Variants in RAI1 observed in about 807,000 individuals in gnomAD.
RAI1 encodes retinoic acid-induced protein 1.
A neutral mutation model predicts 123.8 loss-of-function variants in RAI1; 9 were observed. The ratio of observed to expected loss-of-function variants is 0.07; its 90% CI spans 0.04 to 0.13. The LOEUF (loss-of-function observed/expected upper bound fraction) is 0.13. Among genes scored for constraint, RAI1 ranks in the 10% least tolerant of loss-of-function variants. The probability of loss-of-function intolerance (pLI) is 1.00; values close to 1 mark genes in which losing one functional copy is unlikely to be tolerated. For synonymous variants in RAI1, 1,231 were observed against 1,127.3 expected (o/e 1.09, Z -1.84); for missense variants, 2,256 against 2,545.8 (o/e 0.89, Z 2.45).
At position 17,737,242 on chromosome 17, in the gene RAI1, G is replaced by T. The variant is rs564307683; in HGVS notation, c.-17+13083G>T. On this transcript the variant is annotated intron_variant, in intron 2 of 5. Transcript: ENST00000353383. ...CTGAAGATGAGGGGGTCATAGCTCA[G>T]CCTGGCTGTTTCAAGGCCACTTGAG... 1.5e-3 allele frequency among the ~76,000 whole-genome samples: 234 copies of T among 152,324 alleles called. 1 individual carries two copies. The South Asian group carries it at 0.016, about 10-fold the overall frequency.
chr17:17,782,807 A>T (rs1423293650), intron 2 of RAI1, among the ~76,000 whole-genome samples: 1 of 152,074 alleles, frequency 6.6e-6, no homozygotes, highest in Non-Finnish European at 1.5e-5. Context: ...GAGGCTGCTC[A>T]GGGCGCCAAG....
rs1287780548 is a variant in RAI1, at chr17:17,799,081, G to A, written c.5565+568G>A. ...ACACAGTCACAACAGGCAGGGCGGG[G>A]CAGATCCAGACCCTCTCACCATTGG... On this transcript the variant is annotated intron_variant, in intron 3 of 5. Coordinates refer to ENST00000353383, the MANE Select transcript of RAI1 (RefSeq NM_030665.4). This position sits in a 1 kb window ranked among gnomAD's most constrained non-coding sequence, Gnocchi z 4.5. Among the ~76,000 whole-genome samples the A allele has an allele frequency of 6.6e-6, 1 of 152,162 alleles. No homozygotes were observed. The highest frequency in any genetic ancestry group is 1.5e-5 in the Non-Finnish European group (1 of 68,014).
At chr17:17,684,055 T>C (rs1914537722) in intron 1 of RAI1, 1 of 152,102 alleles carries the variant, frequency 6.6e-6, no homozygotes, top group South Asian at 2.1e-4. Flanking sequence ...AAATTTTTTT[T>C]TTTTTCTAGA....
intron 2 of RAI1, among the ~76,000 whole-genome samples, chr17:17,785,699 C>T (rs2031803097): frequency 6.6e-6 from 1 of 152,192 alleles, no homozygotes; most frequent in South Asian, 2.1e-4. Context: ...GCTGAGTGCA[C>T]CTCCTGCACG....
chr17:17,797,959 C>T lies in RAI1; in HGVS notation c.5011C>T (p.His1671Tyr). Residue 1671 changes from histidine (H) to tyrosine (Y), a missense_variant, in exon 3 of 6, where the codon CAC becomes TAC. Physicochemically the swap from His to Tyr is moderately conservative, Grantham distance 83. Around this residue, in one of 7 missense-constraint regions of RAI1, gnomAD observed 410 missense variants for 374.6 expected, o/e 1.09. Transcript: ENST00000353383. The part of the protein sequence containing the change: ...RPSLPLSSTM[H>Y]LGPVVSKALS... ...CTCCTTGCCCCTCTCCTCCACGATG[C>T]ACTTGGGGCCTGTGGTTTCCAAGGC... 1.2e-6 allele frequency: 2 copies of T among 1,614,118 alleles called. No individual in the cohort carries two copies. The highest frequency in any genetic ancestry group is 1.7e-6 in the Non-Finnish European group (2 of 1,180,034).
At chr17:17,707,619 G>T (rs1448524884) in intron 1 of RAI1, among the ~76,000 whole-genome samples, 13 of 152,216 alleles carry the variant, frequency 8.5e-5, no homozygotes, top group Non-Finnish European at 5.9e-5. Flanking sequence ...TTGAGACAGG[G>T]TCTCACTCTG....
chr17:17,809,888 C>T lies in RAI1; in HGVS notation c.5710-82C>T. The T allele has an allele frequency of 2.0e-6, 3 of 1,532,748 alleles. No homozygotes were observed. The highest frequency in any genetic ancestry group is 1.2e-5 in the South Asian group (1 of 83,558). 94.9% of individuals were successfully genotyped at this position (1,532,748 alleles called of 1,614,324 possible). A position where few individuals can be genotyped will look rare whatever the true frequency, so the allele number is the denominator to read the frequency against. ...GGGTCGCCTGGGTCTGGGGCTTAGGCGGGGGGCCCACACTGGGGGCGGGGC... is the reference window on the plus strand; with the variant it reads ...GGGTCGCCTGGGTCTGGGGCTTAGGTGGGGGGCCCACACTGGGGGCGGGGC... On this transcript the variant is annotated intron_variant, in intron 5 of 5. Transcript: ENST00000353383. The surrounding 1 kb of genome is among the most constrained non-coding windows in gnomAD (Gnocchi z 4.9).
chr17:17,810,106 CT>C lies in RAI1; in HGVS notation c.*127del. The C allele has an allele frequency of 7.6e-7, 1 of 1,321,634 alleles. No individual in the cohort carries two copies. The highest frequency in any genetic ancestry group is 1.0e-6 in the Non-Finnish European group (1 of 986,694). The allele number at this position is 1,321,634 out of a possible 1,614,324, so 81.9% of individuals were successfully genotyped here. A position where few individuals can be genotyped will look rare whatever the true frequency, so the allele number is the denominator to read the frequency against. Reference sequence around the variant, plus strand: ...TCCCAGCGCTGGTCCAGAGCCGATCCTTGATCCGGGTCCCGGATCGTGGATC... The same window carrying C: ...TCCCAGCGCTGGTCCAGAGCCGATCCTGATCCGGGTCCCGGATCGTGGATC... On this transcript the variant is annotated 3_prime_UTR_variant, in exon 6 of 6. Transcript: ENST00000353383. This position sits in a 1 kb window ranked among gnomAD's most constrained non-coding sequence, Gnocchi z 4.6.
chr17:17,744,795 A>G (rs1443755937), intron 2 of RAI1, among the ~76,000 whole-genome samples: 1 of 151,110 alleles, frequency 6.6e-6, no homozygotes, highest in Non-Finnish European at 1.5e-5. Context: ...GTCTCAAAAA[A>G]AAAAAAAAAA....
intron 2 of RAI1, among the ~76,000 whole-genome samples, chr17:17,758,204 T>G (rs1379724034): frequency 6.6e-6 from 1 of 151,868 alleles, no homozygotes; most frequent in Non-Finnish European, 1.5e-5. Flanking sequence ...TCCCAGCAGC[T>G]CCGGGCAGGA....
chr17:17,688,066 G>A (rs1442225609), intron 1 of RAI1, among the ~76,000 whole-genome samples: 1 of 143,936 alleles, frequency 6.9e-6, no homozygotes, highest in Non-Finnish European at 1.5e-5. Context: ...GCTGTGTTTT[G>A]TCATCTGGAA....
rs776386424 is a variant in RAI1 at position 17,793,154 on chromosome 17, C to G, written c.206C>G (p.Thr69Ser). 2.5e-6 allele frequency: 4 copies of G among 1,613,422 alleles called. No individual in the cohort carries two copies. Among genetic ancestry groups the G allele is most frequent in the Non-Finnish European group, 2.5e-6 (3 of 1,179,938 alleles). Reference sequence around the variant, plus strand: ...GGTGGCGCTGGCACGCCCTCTGGCACTGCAGCCGCGGTGGCCGCCGACAAG... The same window carrying G: ...GGTGGCGCTGGCACGCCCTCTGGCAGTGCAGCCGCGGTGGCCGCCGACAAG... ...YEGGAGTPSG[T>S]AAAVAADKYH... The change falls in exon 3 of 6, where the codon ACT (threonine) becomes AGT (serine). Residue 69 changes from threonine (T) to serine (S), a missense_variant. Coordinates refer to ENST00000353383, the MANE Select transcript of RAI1 (RefSeq NM_030665.4).
chr17:17,781,844 C>A (rs1426018902), intron 2 of RAI1, among the ~76,000 whole-genome samples: 1 of 151,896 alleles, frequency 6.6e-6, no homozygotes, highest in Non-Finnish European at 1.5e-5. Context: ...CTTGGCGCCA[C>A]CGCTGCCGGA....
intron 1 of RAI1, among the ~76,000 whole-genome samples, chr17:17,697,344 G>A (rs897349376): frequency 2.6e-5 from 4 of 152,226 alleles, no homozygotes; most frequent in African/African-American, 9.6e-5. Flanking sequence ...CAGCGGGTGT[G>A]GCATGGGCAC....
Position 17,796,349 on chromosome 17 carries a change from C to T in RAI1, c.3401C>T (p.Pro1134Leu), listed in dbSNP as rs2032247780. The T allele has an allele frequency of 1.9e-6, 3 of 1,613,424 alleles. No homozygotes were observed. Among genetic ancestry groups the T allele is most frequent in the Admixed American group, 3.3e-5 (2 of 60,006 alleles). ...MGSKTKETDS[P>L]STPGKDQRSM... ...TCCAAGACCAAGGAGACAGACTCAC[C>T]CAGCACGCCTGGCAAGGACCAGCGC... The change falls in exon 3 of 6, where the codon CCC becomes CTC. Residue 1134 changes from proline to leucine, a missense_variant. Around this residue, in one of 7 missense-constraint regions of RAI1, gnomAD observed 322 missense variants for 358.0 expected, o/e 0.90. Coordinates refer to ENST00000353383, the MANE Select transcript of RAI1 (RefSeq NM_030665.4). This position sits in a 1 kb window ranked among gnomAD's most constrained non-coding sequence, Gnocchi z 5.8.
chr17:17,701,735 C>G (rs2142888390), intron 1 of RAI1, among the ~76,000 whole-genome samples: 1 of 152,322 alleles, frequency 6.6e-6, no homozygotes, highest in East Asian at 1.9e-4. Context: ...GCTGAGACTA[C>G]AAGGTGTGCA....
chr17:17,803,391 TTTG>T (rs1203749594), intron 3 of RAI1, among the ~76,000 whole-genome samples: 8 of 140,954 alleles, frequency 5.7e-5, no homozygotes, highest in African/African-American at 2.6e-4. Flanking sequence ...GTTTTTTTTG[TTTG>T]TTTGTTTGTT....
At position 17,801,130 on chromosome 17, in the gene RAI1, C is replaced by T. The variant is rs533223030; in HGVS notation, c.5565+2617C>T. Among the ~76,000 whole-genome samples, 2 of 152,296 alleles carry T rather than the reference C, an allele frequency of 1.3e-5. No homozygotes were observed. The highest frequency in any genetic ancestry group is 3.9e-4 in the East Asian group (2 of 5,182). On this transcript the variant is annotated intron_variant, in intron 3 of 5. Coordinates refer to ENST00000353383, the MANE Select transcript of RAI1 (RefSeq NM_030665.4). This position sits in a 1 kb window ranked among gnomAD's most constrained non-coding sequence, Gnocchi z 4.1. Reference sequence around the variant, plus strand: ...CAGGGATACCTTTTTTCCTCGATGGCCTTTTCTGGGAACTGCCCTCGCCTG... The same window carrying T: ...CAGGGATACCTTTTTTCCTCGATGGTCTTTTCTGGGAACTGCCCTCGCCTG...
intron 1 of RAI1, among the ~76,000 whole-genome samples, chr17:17,712,077 C>T (rs1289646970): frequency 6.6e-6 from 1 of 152,246 alleles, no homozygotes; most frequent in African/African-American, 2.4e-5. Context: ...TGTCCGCAGG[C>T]AGAGGACCAC....
Sources: allele counts gnomAD v4.1 joint callset (sites outside exome capture counted in the v4.1 genomes callset), GRCh38; gene constraint gnomAD v4.1.1; regional missense constraint gnomAD v4.1.1; non-coding constraint Gnocchi (gnomAD v3.1); transcripts MANE v1.5; gene names NCBI Gene and HGNC (gene_info 2026-07-23, HGNC 2026-07-21).